The following CCSER1 variants were observed in gnomAD, a reference collection of about 807,000 sequenced individuals.
The protein encoded by CCSER1 is serine-rich coiled-coil domain-containing protein 1.
CCSER1 carries 41 observed loss-of-function variants against 82.0 expected under a neutral mutation model. The observed-to-expected ratio is 0.50, with a 90% confidence interval of 0.39 to 0.65. The LOEUF is 0.65. Ranked by LOEUF, CCSER1 falls within the 30% of genes least tolerant of loss-of-function variation. The probability of loss-of-function intolerance (pLI) is 0.00; values close to 1 mark genes in which losing one functional copy is unlikely to be tolerated. For synonymous variants in CCSER1, 414 were observed against 383.9 expected (o/e 1.08, Z -0.92); for missense variants, 1,119 against 1,064.2 (o/e 1.05, Z -0.72).
At chr4:91,119,122 AT>A (rs540783536) in intron 10 of CCSER1, among the ~76,000 whole-genome samples, 219 of 152,300 alleles carry the variant, frequency 1.4e-3, no homozygotes, top group African/African-American at 4.8e-3. Flanking sequence ...CCCATAATAC[AT>A]TTGCCCTGTA....
At chr4:90,508,128 G>A (rs745995358) in intron 5 of CCSER1, among the ~76,000 whole-genome samples, 4 of 151,928 alleles carry the variant, frequency 2.6e-5, no homozygotes, top group Non-Finnish European at 5.9e-5. Context: ...TGGATGACTG[G>A]GAAAGTAATG....
intron 8 of CCSER1, among the ~76,000 whole-genome samples, chr4:90,841,300 C>G (rs960011405): frequency 6.6e-6 from 1 of 151,982 alleles, no homozygotes; most frequent in South Asian, 2.1e-4. Flanking sequence ...AATATTTGGC[C>G]AGGCACAGTG....
At chr4:90,760,171 G>A (rs994563212) in intron 7 of CCSER1, among the ~76,000 whole-genome samples, 3 of 151,900 alleles carry the variant, frequency 2.0e-5, no homozygotes, top group Non-Finnish European at 4.4e-5. Context: ...AGTAATATGT[G>A]CCATTTCGGG....
chr4:91,147,026 G>A (rs1315844398), intron 10 of CCSER1, among the ~76,000 whole-genome samples: 1 of 152,194 alleles, frequency 6.6e-6, no homozygotes, highest in Non-Finnish European at 1.5e-5. Context: ...GCTTTGGCAG[G>A]CTGTGCTTTT....
At chr4:91,476,907 A>G (rs1309610328) in intron 10 of CCSER1, among the ~76,000 whole-genome samples, 2 of 151,768 alleles carry the variant, frequency 1.3e-5, no homozygotes, top group Non-Finnish European at 3.0e-5. Flanking sequence ...TTAATACATA[A>G]TAAAATCAAA....
At chr4:90,928,720 G>T (rs77218144) in intron 9 of CCSER1, among the ~76,000 whole-genome samples, 1 of 151,998 alleles carries the variant, frequency 6.6e-6, no homozygotes, top group Non-Finnish European at 1.5e-5. Flanking sequence ...GGTGAAAATC[G>T]TGTTTAATCA....
chr4:91,089,353 C>G (rs1370683885), intron 10 of CCSER1, among the ~76,000 whole-genome samples: 1 of 152,136 alleles, frequency 6.6e-6, no homozygotes, highest in African/African-American at 2.4e-5. Flanking sequence ...TCAGGCAGGC[C>G]CAGGCCTGGT....
intron 8 of CCSER1, among the ~76,000 whole-genome samples, chr4:90,912,338 C>A (rs1038522288): frequency 6.6e-6 from 1 of 152,186 alleles, no homozygotes; most frequent in African/African-American, 2.4e-5. Context: ...CACCAATATT[C>A]GCTATTCTGC....
At chr4:90,835,192 G>A (rs1035202181) in intron 8 of CCSER1, among the ~76,000 whole-genome samples, 9 of 152,176 alleles carry the variant, frequency 5.9e-5, no homozygotes, top group Admixed American at 2.6e-4. Flanking sequence ...TTAGCCGGGC[G>A]TGGTGGTGGA....
intron 9 of CCSER1, among the ~76,000 whole-genome samples, chr4:90,977,704 T>A (rs1735733654): frequency 6.6e-6 from 1 of 151,626 alleles, no homozygotes. Flanking sequence ...ACATACATAA[T>A]CTTATATTGT....
chr4:90,205,914 G>T (rs898907787), intron 1 of CCSER1, among the ~76,000 whole-genome samples: 1 of 152,028 alleles, frequency 6.6e-6, no homozygotes, highest in Non-Finnish European at 1.5e-5. Context: ...CTTCTTCCTG[G>T]TTTAGTATTG....
At chr4:90,491,671 A>G (rs770944047) in intron 5 of CCSER1, among the ~76,000 whole-genome samples, 12 of 152,134 alleles carry the variant, frequency 7.9e-5, no homozygotes, top group Non-Finnish European at 1.6e-4. Flanking sequence ...AATAGCTCTT[A>G]TTATTTTGAG....
chr4:90,204,171 G>A (rs1478011231), intron 1 of CCSER1, among the ~76,000 whole-genome samples: 2 of 152,100 alleles, frequency 1.3e-5, no homozygotes. Flanking sequence ...AGTTTCTTTT[G>A]CTGTGCAGAA....
At chr4:91,043,188 A>T (rs1483905433) in intron 9 of CCSER1, among the ~76,000 whole-genome samples, 1 of 152,154 alleles carries the variant, frequency 6.6e-6, no homozygotes, top group Non-Finnish European at 1.5e-5. Flanking sequence ...GTTAGTATTT[A>T]TCTAATTACA....
chr4:90,303,354 G>T (rs1733551689), intron 1 of CCSER1, among the ~76,000 whole-genome samples: 1 of 152,066 alleles, frequency 6.6e-6, no homozygotes, highest in Admixed American at 6.6e-5. Flanking sequence ...TCAATCCTAA[G>T]CCAAAAGAAC....
intron 8 of CCSER1, among the ~76,000 whole-genome samples, chr4:90,896,537 CA>C (rs1561322147): frequency 6.6e-6 from 1 of 151,712 alleles, no homozygotes; most frequent in Non-Finnish European, 1.5e-5. Flanking sequence ...GTATAATAGA[CA>C]AATCAGATAA....
intron 9 of CCSER1, among the ~76,000 whole-genome samples, chr4:90,934,286 A>C (rs1730650973): frequency 6.6e-6 from 1 of 152,194 alleles, no homozygotes; most frequent in Admixed American, 6.5e-5. Context: ...TGTGTGTTAT[A>C]ACATTTAACA....
At chr4:90,628,975 AGT>A (rs1324722926) in intron 6 of CCSER1, among the ~76,000 whole-genome samples, 4 of 152,158 alleles carry the variant, frequency 2.6e-5, no homozygotes, top group Non-Finnish European at 4.4e-5. Context: ...TTCTCAAGTA[AGT>A]GTAATTTCAG....
At chr4:91,376,168 T>C (rs1390654704) in intron 10 of CCSER1, among the ~76,000 whole-genome samples, 3 of 152,008 alleles carry the variant, frequency 2.0e-5, no homozygotes, top group Non-Finnish European at 2.9e-5. Context: ...TGACAATAGG[T>C]CAAAGACCCA....
Sources: allele counts gnomAD v4.1 joint callset (sites outside exome capture counted in the v4.1 genomes callset), GRCh38; gene constraint gnomAD v4.1.1; transcripts MANE v1.5; gene names NCBI Gene and HGNC (gene_info 2026-07-23, HGNC 2026-07-21).